PTBP3: variants seen among roughly 807,000 people sequenced by gnomAD.
PTBP3 encodes polypyrimidine tract binding protein 3.
Under a neutral mutation model 58.7 loss-of-function variants are expected in PTBP3, and 20 were observed. That is an observed-to-expected ratio of 0.34 (90% CI 0.24 to 0.50). The LOEUF (loss-of-function observed/expected upper bound fraction) is 0.50, where lower values mean the gene tolerates loss of function less well. Among genes scored for constraint, PTBP3 ranks in the 20% least tolerant of loss-of-function variants. The pLI is 0.98. For missense variants in PTBP3, 509 were observed against 637.2 expected (o/e 0.80, Z 2.17); for synonymous variants, 185 against 219.8 (o/e 0.84, Z 1.40).
chr9:112,231,966 A>AGAGAG (rs1835232884), intron 9 of PTBP3, 133 bp downstream of exon 9: 8 of 181,512 alleles, frequency 4.4e-5, no homozygotes, highest in Non-Finnish European at 7.5e-5. Flanking sequence ...AGAGAAGAGA[A>AGAGAG]GAGAGAAGAG....
the PTBP3 span, among the ~76,000 whole-genome samples, chr9:112,364,692 C>T: frequency 2.6e-5 from 4 of 152,048 alleles, no homozygotes; most frequent in Non-Finnish European, 4.4e-5. Flanking sequence ...GAAAATATGA[C>T]AGAGACACAA....
upstream of PTBP3, among the ~76,000 whole-genome samples, chr9:112,338,029 GAAATT>G: frequency 6.6e-6 from 1 of 152,196 alleles, no homozygotes; most frequent in South Asian, 2.1e-4. Context: ...AGAAACATCT[GAAATT>G]ATACTAAATG....
At chr9:112,293,414 T>C (rs961206740) in intron 2 of PTBP3, among the ~76,000 whole-genome samples, 1 of 152,214 alleles carries the variant, frequency 6.6e-6, no homozygotes, top group African/African-American at 2.4e-5. Context: ...GTGAAAATTA[T>C]AAACATACAC....
At chr9:112,291,681 T>C (rs1236373886) in intron 2 of PTBP3, among the ~76,000 whole-genome samples, 1 of 152,102 alleles carries the variant, frequency 6.6e-6, no homozygotes, top group Non-Finnish European at 1.5e-5. Flanking sequence ...AGAATGAAAT[T>C]GGACTCTTAC....
At chr9:112,295,419 GAA>G (rs36030832) in intron 2 of PTBP3, among the ~76,000 whole-genome samples, 1 of 142,514 alleles carries the variant, frequency 7.0e-6, no homozygotes, top group Non-Finnish European at 1.5e-5. Flanking sequence ...AAGATTGGAG[GAA>G]AAAAAAAAAA....
chr9:112,326,450 C>T (rs191291183), intron 1 of PTBP3, among the ~76,000 whole-genome samples: 28 of 152,272 alleles, frequency 1.8e-4, no homozygotes, highest in Admixed American at 5.9e-4. Flanking sequence ...GGTGGCAAGC[C>T]AAATGTGGCC....
rs149578502 is a variant in PTBP3 at position 112,318,918 on chromosome 9, G to A, written c.-52+14552C>T. ...CAAGGCGGGCAGATCACCTGAGGTC[G>A]GGAGTTCAAGACCAGCCTGACCAAC... On this transcript the variant is annotated intron_variant, in intron 1 of 13. Coordinates refer to ENST00000374257, the MANE Select transcript of PTBP3 (RefSeq NM_001163788.4). Among the ~76,000 whole-genome samples, 1,316 of 150,614 alleles carry A rather than the reference G, an allele frequency of 8.7e-3. 23 individuals carry two copies. Among genetic ancestry groups the A allele is most frequent in the African/African-American group, 0.03 (1,251 of 41,040 alleles).
At chr9:112,265,430 C>A (rs1293371916) in intron 4 of PTBP3, among the ~76,000 whole-genome samples, 10 of 99,628 alleles carry the variant, frequency 1.0e-4, no homozygotes, top group African/African-American at 3.4e-4. Context: ...TTGAACCCGG[C>A]GGGCGGGGGG....
chr9:112,372,628 T>C, the PTBP3 span, among the ~76,000 whole-genome samples: 1 of 152,206 alleles, frequency 6.6e-6, no homozygotes, highest in Non-Finnish European at 1.5e-5. Flanking sequence ...GATTTACCTA[T>C]TATGGACATT....
chr9:112,322,134 CAAAAAAA>C (rs149553072), intron 1 of PTBP3, among the ~76,000 whole-genome samples: 2 of 68,360 alleles, frequency 2.9e-5, no homozygotes, highest in African/African-American at 1.3e-4. Flanking sequence ...GACTCCATCT[CAAAAAAA>C]AAAAAAAAAA....
chr9:112,270,642 T>G (rs998517096), intron 3 of PTBP3, among the ~76,000 whole-genome samples: 5 of 152,214 alleles, frequency 3.3e-5, no homozygotes, highest in Non-Finnish European at 7.3e-5. Flanking sequence ...AGCATTATCT[T>G]AAGTTACTAA....
intron 5 of PTBP3, among the ~76,000 whole-genome samples, chr9:112,261,209 G>A (rs2132124935): frequency 6.6e-6 from 1 of 152,292 alleles, no homozygotes; most frequent in African/African-American, 2.4e-5. Context: ...CCGTGGCTCT[G>A]GATACCATTG....
rs985297377 is a variant in PTBP3 at position 112,222,876 on chromosome 9, G to A, written c.*975C>T. The A allele has an allele frequency of 1.1e-6, 1 of 888,404 alleles. No individual in the cohort carries two copies. The highest frequency in any genetic ancestry group is 1.3e-6 in the Non-Finnish European group (1 of 741,600). 55.0% of individuals were successfully genotyped at this position (888,404 alleles called of 1,614,324 possible). ...TTATAGTGGTACAAAAAACCCTTGA[G>A]ATTAATTTTTTTCTAAAAGAAGACC... On this transcript the variant is annotated 3_prime_UTR_variant, in exon 14 of 14. Coordinates refer to ENST00000374257, the MANE Select transcript of PTBP3 (RefSeq NM_001163788.4).
chr9:112,271,431 T>C (rs930981075), intron 3 of PTBP3, among the ~76,000 whole-genome samples: 3 of 152,120 alleles, frequency 2.0e-5, no homozygotes, highest in Non-Finnish European at 4.4e-5. Context: ...ACCTTTATCA[T>C]AAAATAAAGA....
At chr9:112,360,046 C>T in the PTBP3 span, among the ~76,000 whole-genome samples, 3 of 152,088 alleles carry the variant, frequency 2.0e-5, no homozygotes, top group African/African-American at 7.2e-5. Context: ...CATTAAAATG[C>T]AATAATCAGG....
intron 7 of PTBP3, among the ~76,000 whole-genome samples, chr9:112,239,449 G>T (rs908565907): frequency 2.0e-5 from 3 of 152,070 alleles, no homozygotes; most frequent in African/African-American, 7.2e-5. Context: ...AAAAAAACAG[G>T]CTGGGCATAG....
rs533729432 is a variant in PTBP3 at position 112,311,758 on chromosome 9, C to G, written c.-51-13842G>C. On this transcript the variant is annotated intron_variant, in intron 1 of 13. Transcript: ENST00000374257. ...GCCAGGAGTCTGAGACCAGCCTGGA[C>G]AAGAGCTAAACCCTGTCTCTGAAAA... Among the ~76,000 whole-genome samples the G allele has an allele frequency of 3.3e-5, 5 of 152,210 alleles. No homozygotes were observed. In the South Asian group the frequency reaches 1.0e-3, roughly 32 times the overall value.
chr9:112,266,436 T>G (rs1206775821), intron 4 of PTBP3, among the ~76,000 whole-genome samples: 3 of 152,192 alleles, frequency 2.0e-5, no homozygotes, highest in Non-Finnish European at 4.4e-5. Context: ...AAAGCAATCA[T>G]GCAACATATA....
At chr9:112,271,921 G>C (rs952532239) in intron 3 of PTBP3, among the ~76,000 whole-genome samples, 2 of 152,204 alleles carry the variant, frequency 1.3e-5, no homozygotes, top group South Asian at 4.1e-4. Flanking sequence ...TGTACTAATA[G>C]TAGATACCTG....
Sources: gnomAD v4.1 joint callset for allele counts (sites outside exome capture counted in the v4.1 genomes callset) on GRCh38, gnomAD v4.1.1 for gene constraint, MANE v1.5 for transcripts, NCBI Gene and HGNC (gene_info 2026-07-23, HGNC 2026-07-21) for gene names.